The following IFNLR1 variants were observed in gnomAD, a reference collection of about 807,000 sequenced individuals.
IFNLR1 encodes interferon lambda receptor 1, also known as CRF2-12.
IFNLR1 carries 28 observed loss-of-function variants against 52.5 expected under a neutral mutation model. The observed-to-expected ratio is 0.53, with a 90% CI of 0.40 to 0.73. IFNLR1 has a LOEUF of 0.73. Ranked by LOEUF, IFNLR1 falls within the 30% of genes least tolerant of loss-of-function variation. The pLI, the probability that IFNLR1 is intolerant of heterozygous loss-of-function variation, is 0.00. For synonymous variants in IFNLR1, 276 were observed against 274.9 expected (o/e 1.00, Z -0.04); for missense variants, 623 against 659.1 (o/e 0.95, Z 0.60).
chr1:24,161,169 T>C (rs895113698), intron 4 of IFNLR1, among the ~76,000 whole-genome samples: 3 of 152,208 alleles, frequency 2.0e-5, no homozygotes, highest in African/African-American at 7.2e-5. Context: ...TCTGGCCTTC[T>C]TCGGGAAAGT....
chr1:24,167,325 G>T (rs561852132), intron 3 of IFNLR1, among the ~76,000 whole-genome samples: 1 of 152,284 alleles, frequency 6.6e-6, no homozygotes, highest in South Asian at 2.1e-4. Context: ...ACTGCATGCT[G>T]GGGGACATTT....
At chr1:24,184,683 T>C (rs940293151) in intron 1 of IFNLR1, among the ~76,000 whole-genome samples, 5 of 152,190 alleles carry the variant, frequency 3.3e-5, no homozygotes, top group Non-Finnish European at 7.3e-5. Flanking sequence ...TTCCTTGACA[T>C]ATCTACGAGG....
At chr1:24,179,966 C>T (rs1461014794) in intron 2 of IFNLR1, among the ~76,000 whole-genome samples, 3 of 152,182 alleles carry the variant, frequency 2.0e-5, no homozygotes, top group Admixed American at 2.0e-4. Flanking sequence ...CTGTGGCTGC[C>T]TGGGCTTCCA....
chr1:24,167,404 A>G (rs1363140775), intron 3 of IFNLR1, among the ~76,000 whole-genome samples: 1 of 151,132 alleles, frequency 6.6e-6, no homozygotes, highest in East Asian at 1.9e-4. Flanking sequence ...TTTTTTTTTG[A>G]GACAAAGTCT....
At chr1:24,176,634 T>C (rs1474951885) in intron 2 of IFNLR1, among the ~76,000 whole-genome samples, 6 of 152,080 alleles carry the variant, frequency 3.9e-5, no homozygotes. Context: ...AAGAGAAAGA[T>C]TACAAATAAG....
chr1:24,157,941 C>A lies in IFNLR1; in HGVS notation c.802-50G>T, dbSNP rs369255919. 70 of 1,478,424 alleles carry A rather than the reference C, an allele frequency of 4.7e-5. No individual in the cohort carries two copies. In the African/African-American group the frequency reaches 6.3e-4, roughly 13 times the overall value. 91.6% of individuals were successfully genotyped at this position (1,478,424 alleles called of 1,614,324 possible). On this transcript the variant is annotated intron_variant, in intron 6 of 6. Coordinates refer to ENST00000327535, the MANE Select transcript of IFNLR1 (RefSeq NM_170743.4). The surrounding 1 kb of genome is among the most constrained non-coding windows in gnomAD (Gnocchi z 5.1). ...GCAGAAAATTTAGGCTTTCCTGAAG[C>A]ATAATTATCATCATCTGAATTCCCC...
chr1:24,162,769 TTTCTTTCTTTTTCTTTC>T (rs1557643878), intron 3 of IFNLR1, among the ~76,000 whole-genome samples: 2 of 38,998 alleles, frequency 5.1e-5, no homozygotes, highest in African/African-American at 2.3e-4. Context: ...TCTTTCTTTC[TTTCTTTCTTTTTCTTTC>T]TTTTTCTTTC....
chr1:24,161,879 A>G (rs1644447557), intron 3 of IFNLR1, among the ~76,000 whole-genome samples, 195 bp from the exon 4 acceptor site: 1 of 152,178 alleles, frequency 6.6e-6, no homozygotes, highest in South Asian at 2.1e-4. Context: ...CTCTCATTTC[A>G]TAGAGAGGAA....
intron 1 of IFNLR1, among the ~76,000 whole-genome samples, chr1:24,184,269 T>A (rs1644717219): frequency 6.6e-6 from 1 of 152,236 alleles, no homozygotes; most frequent in African/African-American, 2.4e-5. Flanking sequence ...ATTCCTTTGA[T>A]GTCACTGTCT....
intron 1 of IFNLR1, among the ~76,000 whole-genome samples, chr1:24,184,593 C>T (rs915644977): frequency 2.6e-5 from 4 of 152,162 alleles, no homozygotes; most frequent in Admixed American, 6.5e-5. Flanking sequence ...TGTTTTTAAA[C>T]CCAGGTGTCT....
At chr1:24,166,161 A>G (rs1644516925) in intron 3 of IFNLR1, among the ~76,000 whole-genome samples, 1 of 147,050 alleles carries the variant, frequency 6.8e-6, no homozygotes, top group African/African-American at 2.6e-5. Flanking sequence ...CTGCCTTCTT[A>G]TCCTTCCTTT....
chr1:24,170,082 C>T (rs763016459), intron 2 of IFNLR1, among the ~76,000 whole-genome samples: 4 of 152,220 alleles, frequency 2.6e-5, no homozygotes, highest in Admixed American at 2.6e-4. Context: ...CCTTCTATCT[C>T]TTCTGCCACG....
intron 2 of IFNLR1, among the ~76,000 whole-genome samples, chr1:24,177,393 C>T (rs1326887930): frequency 1.3e-5 from 2 of 152,170 alleles, no homozygotes; most frequent in Non-Finnish European, 2.9e-5. Context: ...GATCCGAGAG[C>T]CCCCAGCAAA....
At chr1:24,182,103 G>A (rs2148603826) in intron 1 of IFNLR1, among the ~76,000 whole-genome samples, 1 of 152,120 alleles carries the variant, frequency 6.6e-6, no homozygotes, top group Admixed American at 6.5e-5. Context: ...GGGAGGCTGA[G>A]GCACGAGAAT....
chr1:24,187,180 C>T lies in IFNLR1; in HGVS notation c.58+11G>A. The T allele has an allele frequency of 7.3e-7, 1 of 1,362,906 alleles. No homozygotes were observed. The highest frequency in any genetic ancestry group is 9.5e-7 in the Non-Finnish European group (1 of 1,055,558). The allele number at this position is 1,362,906 out of a possible 1,614,324, so 84.4% of individuals were successfully genotyped here. A position where few individuals can be genotyped will look rare whatever the true frequency, so the allele number is the denominator to read the frequency against. On this transcript the variant is annotated intron_variant, in intron 1 of 6. Transcript: ENST00000327535. ...CTCTTCCCCCTCCCTCCCGCGGCCC[C>T]GCGCCCTTACCTGGAGCGGCCTGCA...
At chr1:24,162,746 TTCTTTC>T (rs1644461773) in intron 3 of IFNLR1, among the ~76,000 whole-genome samples, 1 of 34,546 alleles carries the variant, frequency 2.9e-5, no homozygotes, top group Non-Finnish European at 5.7e-5. Context: ...CTTTCTTTCT[TTCTTTC>T]TTTCTTTCTT....
chr1:24,185,790 T>G (rs1569711320), intron 1 of IFNLR1, among the ~76,000 whole-genome samples: 1 of 152,300 alleles, frequency 6.6e-6, no homozygotes, highest in East Asian at 1.9e-4. Flanking sequence ...AGAGCAACTT[T>G]CCTCTATGAA....
intron 1 of IFNLR1, 40 bp downstream of exon 1, chr1:24,187,151 A>G: frequency 1.5e-6 from 2 of 1,294,146 alleles, no homozygotes; most frequent in Non-Finnish European, 2.0e-6. Context: ...CGGCCCGGGG[A>G]GCCCTCTTCC....
chr1:24,183,918 C>T (rs561587592), intron 1 of IFNLR1, among the ~76,000 whole-genome samples: 32 of 152,122 alleles, frequency 2.1e-4, no homozygotes, highest in South Asian at 2.1e-4. Context: ...TTAGTTGAGA[C>T]GAGGTTTCAC....
Sources: gnomAD v4.1 joint callset for allele counts (sites outside exome capture counted in the v4.1 genomes callset) on GRCh38, gnomAD v4.1.1 for gene constraint, Gnocchi (gnomAD v3.1) non-coding constraint, MANE v1.5 for transcripts, NCBI Gene and HGNC (gene_info 2026-07-23, HGNC 2026-07-21) for gene names.